MS4A4E: variants seen among roughly 807,000 people sequenced by gnomAD.
MS4A4E encodes the protein putative membrane-spanning 4-domains subfamily A member 4E.
Under a neutral mutation model 13.3 loss-of-function variants are expected in MS4A4E, and 23 were observed. The observed-to-expected ratio is 1.73, with a 90% CI of 1.25 to 2.45. The LOEUF is 2.45. Among genes scored for constraint, MS4A4E ranks in the 30% most tolerant of loss-of-function variants. The pLI, the probability that MS4A4E is intolerant of heterozygous loss-of-function variation, is 0.00. For missense variants in MS4A4E, 144 were observed against 131.2 expected, an observed-to-expected ratio of 1.10 and a Z score of -0.48; for synonymous variants, 36 against 45.6, an observed-to-expected ratio of 0.79 and a Z score of 0.85.
chr11:60,207,538 G>T (rs760340860), intron 6 of MS4A4E, among the ~76,000 whole-genome samples: 20 of 152,090 alleles, frequency 1.3e-4, no homozygotes, highest in Non-Finnish European at 1.2e-4. Flanking sequence ...ATATGGTATT[G>T]CCTGGGAATC....
At chr11:60,232,663 A>G (rs2084427359) in intron 1 of MS4A4E, among the ~76,000 whole-genome samples, 1 of 152,158 alleles carries the variant, frequency 6.6e-6, no homozygotes, top group Non-Finnish European at 1.5e-5. Flanking sequence ...GTTCTATCCC[A>G]GAGGAGGAGC....
rs2083973909 is a variant in MS4A4E, at chr11:60,200,590, A to C, written c.*953T>G. Among the ~76,000 whole-genome samples, 1 of 152,170 alleles carries C rather than the reference A, an allele frequency of 6.6e-6. No homozygotes were observed. Among genetic ancestry groups the C allele is most frequent in the Non-Finnish European group, 1.5e-5 (1 of 68,012 alleles). ...TGAGTGGACACAGCACATGTTTCAG[A>C]GAGCACAGGGTTGGGGGTAAGGTCA... On this transcript the variant is annotated 3_prime_UTR_variant, in exon 9 of 9. Transcript: ENST00000651255.
At chr11:60,218,558 G>T (rs2084226412) in intron 3 of MS4A4E, among the ~76,000 whole-genome samples, 1 of 152,016 alleles carries the variant, frequency 6.6e-6, no homozygotes, top group African/African-American at 2.4e-5. Flanking sequence ...TCTCAAGCCA[G>T]CCAACGCTTA....
rs545861041 is a variant in MS4A4E at position 60,200,538 on chromosome 11, T to C, written c.*1005A>G. Among the ~76,000 whole-genome samples the C allele has an allele frequency of 6.6e-6, 1 of 152,110 alleles. No individual in the cohort carries two copies. The highest frequency in any genetic ancestry group is 6.5e-5 in the Admixed American group (1 of 15,268). On this transcript the variant is annotated 3_prime_UTR_variant, in exon 9 of 9. Transcript: ENST00000651255. Reference sequence around the variant, plus strand: ...AAGCATCTGTTTAACAAAGCACACCTTGCACCGCCCTTAATCCATTTAACC... The same window carrying C: ...AAGCATCTGTTTAACAAAGCACACCCTGCACCGCCCTTAATCCATTTAACC...
At chr11:60,237,470 G>C (rs1170054617) in intron 1 of MS4A4E, among the ~76,000 whole-genome samples, 1 of 152,142 alleles carries the variant, frequency 6.6e-6, no homozygotes, top group Non-Finnish European at 1.5e-5. Context: ...ACCCACGGTG[G>C]GATTGATGGG....
rs551703610 is a variant in MS4A4E, at chr11:60,224,757, C to G, written c.178+3837G>C. ...AATGTGTTGCTGTAATATATCCTAACTGACTTATATAAAGTATTTAATCGC... is the reference window on the plus strand; with the variant it reads ...AATGTGTTGCTGTAATATATCCTAAGTGACTTATATAAAGTATTTAATCGC... On this transcript the variant is annotated intron_variant, in intron 3 of 8. Transcript: ENST00000651255. Among the ~76,000 whole-genome samples the G allele has an allele frequency of 1.0e-3, 159 of 152,224 alleles. 3 individuals carry two copies. Among genetic ancestry groups the G allele is most frequent in the Non-Finnish European group, 1.3e-4 (9 of 67,994 alleles).
intron 8 of MS4A4E, among the ~76,000 whole-genome samples, chr11:60,204,368 C>A (rs1467267574): frequency 7.5e-6 from 1 of 133,304 alleles, no homozygotes; most frequent in Admixed American, 8.1e-5. Flanking sequence ...AGGGTCTGAT[C>A]CTTCACTTGG....
Position 60,200,846 on chromosome 11 carries a change from C to T in MS4A4E, c.*697G>A, listed in dbSNP as rs551477251. Among the ~76,000 whole-genome samples, 16 of 151,574 alleles carry T rather than the reference C, an allele frequency of 1.1e-4. No homozygotes were observed. Among genetic ancestry groups the T allele is most frequent in the African/African-American group, 2.9e-4 (12 of 40,862 alleles). ...GGGTGGTGGCCGGGCAGAGGGGCTC[C>T]TCACTTCCCAGTAGGGGCGGCTGGG... On this transcript the variant is annotated 3_prime_UTR_variant, in exon 9 of 9. Transcript: ENST00000651255.
intron 1 of MS4A4E, among the ~76,000 whole-genome samples, chr11:60,238,512 T>C (rs569572132): frequency 2.0e-5 from 3 of 152,264 alleles, no homozygotes; most frequent in Admixed American, 6.5e-5. Flanking sequence ...TTGGTAATTA[T>C]GCTGCCTCTT....
In MS4A4E at chr11:60,201,078, A is replaced by C. The variant is rs1263978287; in HGVS notation, c.*465T>G. ...GGCCGGGTGGGGGGCTGAACCCCCC[A>C]CCTCCCTCCCGGACGGGGCGGCTGG... On this transcript the variant is annotated 3_prime_UTR_variant, in exon 9 of 9. Transcript: ENST00000651255. 7.4e-4 allele frequency among the ~76,000 whole-genome samples: 54 copies of C among 73,146 alleles called. No homozygotes were observed. The highest frequency in any genetic ancestry group is 1.2e-3 in the Admixed American group (8 of 6,806). The allele number at this position is 73,146 out of a possible 152,430, so 48.0% of individuals were successfully genotyped here. A position where few individuals can be genotyped will look rare whatever the true frequency, so the allele number is the denominator to read the frequency against.
intron 6 of MS4A4E, among the ~76,000 whole-genome samples, chr11:60,206,069 A>C (rs1181356787): frequency 6.6e-6 from 1 of 152,122 alleles, no homozygotes; most frequent in African/African-American, 2.4e-5. Context: ...ATACTATTCC[A>C]AGGTACTTTC....
intron 3 of MS4A4E, among the ~76,000 whole-genome samples, chr11:60,215,893 G>C (rs1160521570): frequency 6.6e-6 from 1 of 152,118 alleles, no homozygotes; most frequent in African/African-American, 2.4e-5. Flanking sequence ...TTAGAAGTGT[G>C]TATGTATGTT....
chr11:60,213,505 A>G (rs2084151452), intron 4 of MS4A4E, among the ~76,000 whole-genome samples: 6 of 151,964 alleles, frequency 3.9e-5, no homozygotes, highest in Admixed American at 3.9e-4. Context: ...TACATTTTAA[A>G]TTATTTTTCT....
intron 5 of MS4A4E, among the ~76,000 whole-genome samples, chr11:60,210,389 G>A (rs1365074463): frequency 1.3e-5 from 2 of 152,126 alleles, no homozygotes; most frequent in African/African-American, 4.8e-5. Context: ...CATGGACTCT[G>A]GGAAAGGTGA....
At chr11:60,237,282 C>CT (rs1387472716) in intron 1 of MS4A4E, among the ~76,000 whole-genome samples, 2 of 152,096 alleles carry the variant, frequency 1.3e-5, no homozygotes, top group East Asian at 1.9e-4. Flanking sequence ...TGATCTTGTT[C>CT]TTTTTTTATG....
At chr11:60,231,159 T>C (rs1001894624) in intron 1 of MS4A4E, among the ~76,000 whole-genome samples, 4 of 152,066 alleles carry the variant, frequency 2.6e-5, no homozygotes, top group Non-Finnish European at 5.9e-5. Flanking sequence ...CAGAGAAAGC[T>C]AGAGGGGAAA....
chr11:60,203,345 C>T (rs2084007138), intron 8 of MS4A4E, among the ~76,000 whole-genome samples: 1 of 152,042 alleles, frequency 6.6e-6, no homozygotes, highest in Non-Finnish European at 1.5e-5. Flanking sequence ...TTTGTAAGAG[C>T]CTATAAGGTA....
intron 8 of MS4A4E, among the ~76,000 whole-genome samples, chr11:60,202,671 C>T (rs961438213): frequency 1.6e-4 from 24 of 152,244 alleles, no homozygotes; most frequent in Non-Finnish European, 3.1e-4. Context: ...ATATGCATGC[C>T]CAGCTGATTA....
chr11:60,231,190 A>T (rs1009777370), intron 1 of MS4A4E, among the ~76,000 whole-genome samples: 6 of 152,254 alleles, frequency 3.9e-5, no homozygotes, highest in Admixed American at 3.3e-4. Flanking sequence ...AAAATAAAAG[A>T]TTAATCATTT....
Sources: allele counts gnomAD v4.1 joint callset (sites outside exome capture counted in the v4.1 genomes callset), GRCh38; gene constraint gnomAD v4.1.1; transcripts MANE v1.5; gene names NCBI Gene and HGNC (gene_info 2026-07-23, HGNC 2026-07-21).